Variants in CATSPERT observed in about 807,000 individuals in gnomAD.
The protein encoded by CATSPERT is cation channel sperm-associated targeting subunit tau.
At chr2:201,525,970 A>G in the CATSPERT span, among the ~76,000 whole-genome samples, 1 of 152,202 alleles carries the variant, frequency 6.6e-6, no homozygotes, top group African/African-American at 2.4e-5. Flanking sequence ...TGAATCAGTA[A>G]TAAAAAACCT....
chr2:201,587,229 C>T, the CATSPERT span, among the ~76,000 whole-genome samples: 2 of 152,052 alleles, frequency 1.3e-5, no homozygotes, highest in Non-Finnish European at 2.9e-5. Context: ...AATAATAAAA[C>T]TCAATTGTCT....
chr2:201,605,228 G>A, the CATSPERT span, among the ~76,000 whole-genome samples: 1 of 152,030 alleles, frequency 6.6e-6, no homozygotes, highest in Admixed American at 6.6e-5. Flanking sequence ...ACAAAAGGAA[G>A]CACAGACAAA....
chr2:201,563,468 G>GTC, the CATSPERT span, among the ~76,000 whole-genome samples: 2 of 2,038 alleles, frequency 9.8e-4, no homozygotes, highest in South Asian at 0.02. Context: ...GCGGGGGGCT[G>GTC]ACCCCCCACC....
chr2:201,579,373 T>C, the CATSPERT span, among the ~76,000 whole-genome samples: 1 of 152,102 alleles, frequency 6.6e-6, no homozygotes, highest in African/African-American at 2.4e-5. Flanking sequence ...CCCATGCAGC[T>C]GGTACTACAG....
At chr2:201,537,873 T>C in the CATSPERT span, among the ~76,000 whole-genome samples, 2 of 151,928 alleles carry the variant, frequency 1.3e-5, no homozygotes, top group African/African-American at 4.8e-5. Context: ...AAAATTTTCC[T>C]AGAAATATAA....
chr2:201,603,310 T>C, the CATSPERT span: 81 of 1,591,026 alleles, frequency 5.1e-5, 1 homozygote, highest in Admixed American at 5.3e-4. Flanking sequence ...AGACAGTGAA[T>C]GCATTTAAAA....
the CATSPERT span, among the ~76,000 whole-genome samples, chr2:201,505,799 C>T: frequency 6.6e-6 from 1 of 152,016 alleles, no homozygotes; most frequent in Non-Finnish European, 1.5e-5. Context: ...TAGTAACGTA[C>T]TAATGTTGGT....
the CATSPERT span, among the ~76,000 whole-genome samples, chr2:201,541,163 G>A: frequency 6.6e-6 from 1 of 152,096 alleles, no homozygotes; most frequent in South Asian, 2.1e-4. Context: ...AAAGAAAAGT[G>A]GTTTCTTGAG....
At chr2:201,542,392 G>GTCTATC in the CATSPERT span, among the ~76,000 whole-genome samples, 11 of 152,186 alleles carry the variant, frequency 7.2e-5, no homozygotes, top group African/African-American at 2.4e-4. Flanking sequence ...ACCCAGAAGT[G>GTCTATC]AAATGGCAGG....
At chr2:201,571,745 A>T in the CATSPERT span, among the ~76,000 whole-genome samples, 63 of 152,262 alleles carry the variant, frequency 4.1e-4, no homozygotes, top group African/African-American at 1.5e-3. Flanking sequence ...ATCCAGGGCT[A>T]TATCCAGAAA....
chr2:201,575,271 A>G, the CATSPERT span: 2 of 1,575,284 alleles, frequency 1.3e-6, no homozygotes, highest in African/African-American at 1.4e-5. Context: ...AAGTTTCAGT[A>G]AAGTCCTTAC....
chr2:201,594,203 G>C, the CATSPERT span, among the ~76,000 whole-genome samples: 1 of 152,174 alleles, frequency 6.6e-6, no homozygotes, highest in African/African-American at 2.4e-5. Flanking sequence ...GCATTTGCTT[G>C]TCTGTAAAGT....
the CATSPERT span, chr2:201,574,153 G>T: frequency 7.9e-7 from 1 of 1,273,338 alleles, no homozygotes; most frequent in Non-Finnish European, 1.1e-6. Flanking sequence ...CCTCAGAAGA[G>T]GACGATTTGA....
At chr2:201,494,467 T>C in the CATSPERT span, 1 of 1,537,448 alleles carries the variant, frequency 6.5e-7, no homozygotes, top group Admixed American at 2.0e-5. Context: ...TTTTAAACTA[T>C]TCTTTGTATC....
the CATSPERT span, among the ~76,000 whole-genome samples, chr2:201,615,306 G>A: frequency 6.6e-6 from 1 of 152,220 alleles, no homozygotes; most frequent in African/African-American, 2.4e-5. Flanking sequence ...ATAGTTGGAA[G>A]TAAAGCACTC....
At chr2:201,572,292 T>G in the CATSPERT span, among the ~76,000 whole-genome samples, 2 of 152,156 alleles carry the variant, frequency 1.3e-5, no homozygotes, top group African/African-American at 4.8e-5. Context: ...AAGCATATTC[T>G]ACAGATGATA....
At chr2:201,593,248 T>A in the CATSPERT span, among the ~76,000 whole-genome samples, 2 of 151,622 alleles carry the variant, frequency 1.3e-5, no homozygotes, top group Admixed American at 1.3e-4. Context: ...TACCCAGTAG[T>A]CATTCAGGAG....
the CATSPERT span, among the ~76,000 whole-genome samples, chr2:201,579,779 C>T: frequency 2.0e-5 from 3 of 151,728 alleles, no homozygotes; most frequent in African/African-American, 7.3e-5. Context: ...TTCCCCTACT[C>T]ACTAAATTCC....
At chr2:201,583,271 C>G in the CATSPERT span, among the ~76,000 whole-genome samples, 1 of 152,256 alleles carries the variant, frequency 6.6e-6, no homozygotes, top group African/African-American at 2.4e-5. Context: ...ACAGAGGGTC[C>G]TTCCCCAACC....
Sources: gnomAD v4.1 joint callset for allele counts (sites outside exome capture counted in the v4.1 genomes callset) on GRCh38, gnomAD v4.1.1 for gene constraint, MANE v1.5 for transcripts, NCBI Gene and HGNC (gene_info 2026-07-23, HGNC 2026-07-21) for gene names.